The following CRYBG1 variants were observed in gnomAD, a reference collection of about 807,000 sequenced individuals.
CRYBG1 encodes the protein crystallin beta-gamma domain containing 1.
Under a neutral mutation model 189.2 loss-of-function variants are expected in CRYBG1, and 139 were observed. The observed-to-expected ratio is 0.73, with a 90% CI of 0.64 to 0.85. The LOEUF (loss-of-function observed/expected upper bound fraction) is 0.85, where lower values mean the gene tolerates loss of function less well. Among genes scored for constraint, CRYBG1 ranks in the 40% least tolerant of loss-of-function variants. The pLI is 0.00. For missense variants in CRYBG1, 2,611 were observed against 2,675.8 expected (o/e 0.98, Z 0.53); for synonymous variants, 1,023 against 1,017.1 (o/e 1.01, Z -0.11).
Position 106,570,578 on chromosome 6 carries a change from A to G in CRYBG1, c.*2012A>G, listed in dbSNP as rs1775030718. ...TGAGGGGTGCTGGTATAATAGCAAG[A>G]AAGATTTGCTGACCACTCTCTTTCC... On this transcript the variant is annotated 3_prime_UTR_variant, in exon 22 of 22. Transcript: ENST00000633556. 2.0e-5 allele frequency: 3 copies of G among 152,196 alleles called. No individual in the cohort carries two copies. The highest frequency in any genetic ancestry group is 1.3e-4 in the Admixed American group (2 of 15,280). The allele number at this position is 152,196 out of a possible 1,614,324, so 9.4% of individuals were successfully genotyped here. A position where few individuals can be genotyped will look rare whatever the true frequency, so the allele number is the denominator to read the frequency against.
intron 1 of CRYBG1, among the ~76,000 whole-genome samples, chr6:106,415,553 G>A (rs1440612877): frequency 2.7e-5 from 4 of 147,642 alleles, no homozygotes; most frequent in South Asian, 2.2e-4. Context: ...GAAAAATCCC[G>A]TCTCTACAAA....
chr6:106,470,132 A>C (rs901828484), intron 2 of CRYBG1, among the ~76,000 whole-genome samples: 8 of 152,190 alleles, frequency 5.3e-5, no homozygotes, highest in African/African-American at 9.7e-5. Flanking sequence ...GCTGGTAAAC[A>C]CAAGGTTCTG....
At chr6:106,565,071 G>A (rs1235371968) in intron 21 of CRYBG1, among the ~76,000 whole-genome samples, 8 of 152,174 alleles carry the variant, frequency 5.3e-5, no homozygotes, top group Non-Finnish European at 1.0e-4. Context: ...TGTAATCCCA[G>A]CACTTTGGGA....
chr6:106,420,814 ATAAT>A (rs1193062402), intron 1 of CRYBG1: 1 of 152,498 alleles, frequency 6.6e-6, no homozygotes, highest in African/African-American at 2.4e-5. Context: ...TTAAAAAAAA[ATAAT>A]TAGAAAAAAA....
rs375857730 is a variant in CRYBG1, at chr6:106,520,880, C to T, written c.3672C>T (p.Asn1224=). 3.1e-6 allele frequency: 5 copies of T among 1,614,054 alleles called. No individual in the cohort carries two copies. In the South Asian group the frequency reaches 3.3e-5, roughly 11 times the overall value. The stretch of plus-strand genomic sequence containing the variant: ...TGCCGGAAATCAATGACAAAGAGAA[C>T]AGGGACGTCACAAATGGTGGCATTA... The part of the protein sequence containing the change: ...LVMPEINDKE[N]RDVTNGGIKR... The change falls in exon 4 of 22, where the codon AAC becomes AAT. Residue 1224 remains asparagine, a synonymous_variant. Transcript: ENST00000633556.
chr6:106,519,803 T>C lies in CRYBG1; in HGVS notation c.2595T>C (p.Pro865=), dbSNP rs1371109149. ...ATACATTTTCTGACTCACAGTCCCC[T>C]GCTGAGTCATCTCCTGGGCCTTCTC... ...PQHTFSDSQS[P]AESSPGPSLS... is the part of the protein sequence containing the mutation. Residue 865 remains proline, a synonymous_variant, in exon 4 of 22, where the codon CCT becomes CCC. Coordinates refer to ENST00000633556, the MANE Select transcript of CRYBG1 (RefSeq NM_001371242.2). 13 of 1,614,198 alleles carry C rather than the reference T, an allele frequency of 8.1e-6. No homozygotes were observed. The highest frequency in any genetic ancestry group is 1.1e-5 in the Non-Finnish European group (13 of 1,180,020).
chr6:106,530,369 A>C, intron 8 of CRYBG1, 54 bp downstream of exon 8: 1 of 1,530,818 alleles, frequency 6.5e-7, no homozygotes, highest in Admixed American at 2.0e-5. Context: ...TGAGTGTAGT[A>C]CTGGAAAAAG....
intron 2 of CRYBG1, among the ~76,000 whole-genome samples, chr6:106,504,021 C>G (rs1189369925): frequency 1.2e-5 from 1 of 85,698 alleles, no homozygotes; most frequent in African/African-American, 4.9e-5. Context: ...CCTGAAGTGA[C>G]AGCATTAGAA....
intron 1 of CRYBG1, among the ~76,000 whole-genome samples, chr6:106,416,568 A>G (rs1771024998): frequency 6.6e-6 from 1 of 152,222 alleles, no homozygotes; most frequent in African/African-American, 2.4e-5. Context: ...TTACTTCAGA[A>G]TATATTGCCC....
intron 2 of CRYBG1, among the ~76,000 whole-genome samples, chr6:106,510,777 C>T (rs139176758): frequency 3.3e-5 from 5 of 152,382 alleles, no homozygotes; most frequent in African/African-American, 9.6e-5. Flanking sequence ...ATGCGCTCTG[C>T]AGCCGCGGGA....
chr6:106,416,529 G>A (rs1427389505), intron 1 of CRYBG1, among the ~76,000 whole-genome samples: 2 of 152,216 alleles, frequency 1.3e-5, no homozygotes, highest in Admixed American at 1.3e-4. Flanking sequence ...CTGTATGTTA[G>A]TACCTCTGGC....
At chr6:106,479,190 A>G (rs980001371) in intron 2 of CRYBG1, among the ~76,000 whole-genome samples, 1 of 152,190 alleles carries the variant, frequency 6.6e-6, no homozygotes, top group African/African-American at 2.4e-5. Flanking sequence ...AAGTTTTTGT[A>G]TGGACATATA....
chr6:106,553,574 G>A lies in CRYBG1; in HGVS notation c.5585+7G>A. On this transcript the variant is annotated splice_region_variant and intron_variant, in intron 16 of 21. Coordinates refer to ENST00000633556, the MANE Select transcript of CRYBG1 (RefSeq NM_001371242.2). ...GCAGAGTTTCAGGAGGCAGGTAAGT[G>A]AAACAAAGGCCTGGCAGAGCTGAAT... 1 of 1,571,434 alleles carries A rather than the reference G, an allele frequency of 6.4e-7. No homozygotes were observed. The highest frequency in any genetic ancestry group is 8.8e-7 in the Non-Finnish European group (1 of 1,141,276).
rs763868734 is a variant in CRYBG1 at position 106,520,274 on chromosome 6, G to A, written c.3066G>A (p.Ala1022=). 3.1e-5 allele frequency: 50 copies of A among 1,613,980 alleles called. 2 individuals carry two copies. In the Middle Eastern group the frequency reaches 3.0e-3, roughly 96 times the overall value. The change falls in exon 4 of 22, where the codon GCG becomes GCA. Residue 1022 remains alanine, a synonymous_variant. Coordinates refer to ENST00000633556, the MANE Select transcript of CRYBG1 (RefSeq NM_001371242.2). ...ACTCTCATTGCACAGCAGAGCTCGC[G>A]GCAAAATCTGGCCCACAAGTCATAC... The part of the protein sequence containing the change: ...NEHSHCTAEL[A]AKSGPQVIPP...
intron 2 of CRYBG1, among the ~76,000 whole-genome samples, chr6:106,460,525 T>C (rs1408854319): frequency 6.6e-6 from 1 of 152,036 alleles, no homozygotes; most frequent in Admixed American, 6.6e-5. Context: ...CCAGTCAGGG[T>C]TTAAATTTGT....
At chr6:106,368,507 A>G (rs1769948149) in intron 1 of CRYBG1, among the ~76,000 whole-genome samples, 1 of 152,172 alleles carries the variant, frequency 6.6e-6, no homozygotes. Flanking sequence ...AATGCTTGTG[A>G]GGAGCTTAGC....
chr6:106,494,240 G>A (rs1772791639), intron 2 of CRYBG1, among the ~76,000 whole-genome samples: 1 of 152,128 alleles, frequency 6.6e-6, no homozygotes, highest in Admixed American at 6.6e-5. Flanking sequence ...GGTGGGCAGA[G>A]GAGAATGGGA....
chr6:106,466,222 G>A (rs1490177152), intron 2 of CRYBG1, among the ~76,000 whole-genome samples: 1 of 152,208 alleles, frequency 6.6e-6, no homozygotes, highest in Non-Finnish European at 1.5e-5. Flanking sequence ...AGTGCAGCCT[G>A]CCATGTTTTC....
At chr6:106,550,714 G>T (rs1020933105) in intron 13 of CRYBG1, among the ~76,000 whole-genome samples, 14 of 152,036 alleles carry the variant, frequency 9.2e-5, no homozygotes, top group Non-Finnish European at 1.8e-4. Context: ...TTTTCAGTGT[G>T]GTTTGTTGTG....
Sources: allele counts gnomAD v4.1 joint callset (sites outside exome capture counted in the v4.1 genomes callset), GRCh38; gene constraint gnomAD v4.1.1; transcripts MANE v1.5; gene names NCBI Gene and HGNC (gene_info 2026-07-23, HGNC 2026-07-21).